Variants in AGBL3 observed in about 807,000 individuals in gnomAD.
The protein encoded by AGBL3 is cytosolic carboxypeptidase 3.
AGBL3 carries 68 observed loss-of-function variants against 94.5 expected under a neutral mutation model. The observed-to-expected ratio is 0.72, with a 90% CI of 0.59 to 0.88. The LOEUF is 0.88. Among genes scored for constraint, AGBL3 ranks in the 40% least tolerant of loss-of-function variants. The pLI is 0.00. For missense variants in AGBL3, 934 were observed against 1,103.8 expected (o/e 0.85, Z 2.18); for synonymous variants, 354 against 370.7 (o/e 0.95, Z 0.52).
intron 15 of AGBL3, among the ~76,000 whole-genome samples, chr7:135,101,939 G>A (rs1339018438): frequency 1.3e-5 from 2 of 152,162 alleles, no homozygotes; most frequent in Non-Finnish European, 2.9e-5. Flanking sequence ...CACGAGATCC[G>A]TTGGTTTTAT....
intron 3 of AGBL3, among the ~76,000 whole-genome samples, chr7:134,991,031 C>G (rs965394773): frequency 1.3e-5 from 2 of 152,102 alleles, no homozygotes; most frequent in African/African-American, 2.4e-5. Context: ...ATCTGTAAGC[C>G]TTTGCTATGC....
chr7:135,010,309 GT>G (rs752174552), intron 4 of AGBL3: 66 of 252,356 alleles, frequency 2.6e-4, no homozygotes, highest in South Asian at 1.3e-3. Flanking sequence ...TTTTTTTGTT[GT>G]TTTTTTTTTT....
intron 8 of AGBL3, among the ~76,000 whole-genome samples, chr7:135,042,519 G>A (rs1816951996): frequency 6.6e-6 from 1 of 152,126 alleles, no homozygotes; most frequent in African/African-American, 2.4e-5. Context: ...GTTAGAGGTG[G>A]CAGGAGGGTG....
intron 12 of AGBL3, among the ~76,000 whole-genome samples, chr7:135,072,975 T>C (rs1820084201): frequency 2.0e-5 from 3 of 152,016 alleles, no homozygotes; most frequent in Admixed American, 2.0e-4. Context: ...GAGGGGTGTG[T>C]GTATGTGTAT....
At chr7:135,001,386 T>C (rs1205239201) in intron 4 of AGBL3, among the ~76,000 whole-genome samples, 4 of 152,216 alleles carry the variant, frequency 2.6e-5, no homozygotes. Flanking sequence ...TAAAGGACCC[T>C]GACCCTTTTC....
In AGBL3 at chr7:135,013,735, G is replaced by C. The variant is rs149460547; in HGVS notation, c.311-3317G>C. Among the ~76,000 whole-genome samples, 1,077 of 152,140 alleles carry C rather than the reference G, an allele frequency of 7.1e-3. 20 individuals are homozygous for C. Among genetic ancestry groups the C allele is most frequent in the African/African-American group, 0.025 (1,028 of 41,468 alleles). ...TAGGATGAGGATGACAAAGTGGAGA[G>C]ACATAAAAAAGTGAGCTCTGGATGA... On this transcript the variant is annotated intron_variant, in intron 4 of 16. Transcript: ENST00000436302.
At chr7:135,077,381 T>A (rs1383111778) in intron 13 of AGBL3, among the ~76,000 whole-genome samples, 1 of 151,966 alleles carries the variant, frequency 6.6e-6, no homozygotes, top group Non-Finnish European at 1.5e-5. Flanking sequence ...GTCTACTGCC[T>A]CCCCTCCACC....
chr7:135,055,851 T>A (rs1305554209), intron 11 of AGBL3, among the ~76,000 whole-genome samples: 1 of 152,120 alleles, frequency 6.6e-6, no homozygotes. Flanking sequence ...TCCTTAAATG[T>A]TTGGTAGAAT....
chr7:135,058,033 T>C (rs1415832777), intron 11 of AGBL3, among the ~76,000 whole-genome samples: 2 of 152,196 alleles, frequency 1.3e-5, no homozygotes, highest in African/African-American at 4.8e-5. Context: ...TTGTCAAAAC[T>C]CATAGAATGT....
intron 2 of AGBL3, 73 bp from the exon 3 acceptor site, chr7:134,989,177 T>C (rs1287992698): frequency 7.7e-6 from 8 of 1,038,328 alleles, no homozygotes; most frequent in Non-Finnish European, 1.0e-5. Flanking sequence ...AGTACTAAAA[T>C]AGATGTAAAA....
At chr7:135,101,166 C>T (rs1447018538) in intron 15 of AGBL3, 1 of 455,610 alleles carries the variant, frequency 2.2e-6, no homozygotes, top group African/African-American at 2.0e-5. Context: ...GAAAAAAATT[C>T]CCCTCAAGGG....
chr7:135,084,738 C>T (rs1446993696), intron 15 of AGBL3, among the ~76,000 whole-genome samples: 1 of 152,034 alleles, frequency 6.6e-6, no homozygotes, highest in Non-Finnish European at 1.5e-5. Context: ...TTTATCATTT[C>T]ATCTGTTGAT....
chr7:135,040,243 G>C (rs778054408), intron 8 of AGBL3, among the ~76,000 whole-genome samples: 1 of 152,090 alleles, frequency 6.6e-6, no homozygotes, highest in Non-Finnish European at 1.5e-5. Flanking sequence ...GATTCACTGA[G>C]GCATTCTACC....
intron 4 of AGBL3, among the ~76,000 whole-genome samples, chr7:135,005,961 A>G (rs1180672957): frequency 6.6e-6 from 1 of 151,922 alleles, no homozygotes; most frequent in African/African-American, 2.4e-5. Flanking sequence ...AAAATGAATC[A>G]TAGATTTAAA....
rs755087429 is a variant in AGBL3, at chr7:135,128,903, C to T, written c.2343-5938C>T. 5 of 1,458,556 alleles carry T rather than the reference C, an allele frequency of 3.4e-6. No homozygotes were observed. In the Admixed American group the frequency reaches 6.7e-5, roughly 20 times the overall value. 90.4% of individuals were successfully genotyped at this position (1,458,556 alleles called of 1,614,324 possible). A position where few individuals can be genotyped will look rare whatever the true frequency, so the allele number is the denominator to read the frequency against. ...TTGATCAAGCTCAGCAGATAAAATG[C>T]TTTAATAGTAATTTGTTCCTGTGCA... is the stretch of plus-strand genomic sequence containing the variant. On this transcript the variant is annotated intron_variant, in intron 16 of 16. Coordinates refer to ENST00000436302, the MANE Select transcript of AGBL3 (RefSeq NM_178563.4).
At chr7:135,079,964 C>A (rs1014938510) in intron 13 of AGBL3, among the ~76,000 whole-genome samples, 1 of 152,002 alleles carries the variant, frequency 6.6e-6, no homozygotes, top group Non-Finnish European at 1.5e-5. Flanking sequence ...TTTAAGCCCC[C>A]TTTACTGCCA....
intron 12 of AGBL3, among the ~76,000 whole-genome samples, chr7:135,074,229 A>AG (rs1441653922): frequency 2.0e-5 from 3 of 152,202 alleles, no homozygotes; most frequent in Non-Finnish European, 4.4e-5. Flanking sequence ...ATAAAGCTAG[A>AG]GGGAAAAAAG....
At chr7:134,988,618 CTTTT>C (rs1428248708) in intron 2 of AGBL3, among the ~76,000 whole-genome samples, 1 of 151,444 alleles carries the variant, frequency 6.6e-6, no homozygotes, top group Non-Finnish European at 1.5e-5. Context: ...CTGTGTTTTT[CTTTT>C]TGTTAATTTA....
At chr7:135,128,902 G>T in intron 16 of AGBL3, 1 of 1,444,124 alleles carries the variant, frequency 6.9e-7, no homozygotes, top group Non-Finnish European at 9.8e-7. Context: ...CAGATAAAAT[G>T]CTTTAATAGT....
Sources: gnomAD v4.1 joint callset for allele counts (sites outside exome capture counted in the v4.1 genomes callset) on GRCh38, gnomAD v4.1.1 for gene constraint, MANE v1.5 for transcripts, NCBI Gene and HGNC (gene_info 2026-07-23, HGNC 2026-07-21) for gene names.